The following ELAVL2 variants were observed in gnomAD, a reference collection of about 807,000 sequenced individuals.
ELAVL2 encodes ELAV like RNA binding protein 2, also known as ELAV-like protein 2.
ELAVL2 carries 4 observed loss-of-function variants against 34.6 expected under a neutral mutation model. The ratio of observed to expected loss-of-function variants is 0.12; its 90% CI spans 0.06 to 0.26. The LOEUF (loss-of-function observed/expected upper bound fraction) is 0.26. Among genes scored for constraint, ELAVL2 ranks in the 10% least tolerant of loss-of-function variants. ELAVL2 has a pLI of 1.00. For missense variants in ELAVL2, 432 were observed against 442.8 expected (o/e 0.98, Z 0.22); for synonymous variants, 193 against 154.8 (o/e 1.25, Z -1.83).
intron 2 of ELAVL2, among the ~76,000 whole-genome samples, chr9:23,742,151 T>C (rs1303283356): frequency 1.3e-5 from 2 of 152,086 alleles, no homozygotes; most frequent in Admixed American, 6.6e-5. Flanking sequence ...ACTATAAAAC[T>C]AACAGATATG....
At chr9:23,796,654 T>TA (rs2137448809) in intron 1 of ELAVL2, among the ~76,000 whole-genome samples, 1 of 152,370 alleles carries the variant, frequency 6.6e-6, no homozygotes, top group East Asian at 1.9e-4. Context: ...ACACCATCCT[T>TA]ACGGAGAGCC....
chr9:23,779,347 G>C, intron 1 of ELAVL2: 2 of 985,432 alleles, frequency 2.0e-6, no homozygotes, highest in Non-Finnish European at 2.4e-6. Flanking sequence ...AGGGCCTGCA[G>C]AAAGTCTTCA....
At chr9:23,809,818 A>G (rs1443358561) in intron 1 of ELAVL2, among the ~76,000 whole-genome samples, 1 of 152,112 alleles carries the variant, frequency 6.6e-6, no homozygotes, top group East Asian at 1.9e-4. Flanking sequence ...ATCCACTCCC[A>G]ACCAATTTTT....
upstream of ELAVL2, among the ~76,000 whole-genome samples, chr9:23,828,097 A>G (rs556001367): frequency 1.3e-5 from 2 of 152,020 alleles, no homozygotes; most frequent in Admixed American, 6.5e-5. Flanking sequence ...GAAAAGGAAG[A>G]CTCCACCCCA....
chr9:23,818,323 G>T (rs1180153609), intron 1 of ELAVL2, among the ~76,000 whole-genome samples: 1 of 152,246 alleles, frequency 6.6e-6, no homozygotes, highest in East Asian at 1.9e-4. Flanking sequence ...GAAAAGCTAC[G>T]TAATCTGTGG....
chr9:23,706,695 C>T (rs1233527223), intron 3 of ELAVL2, among the ~76,000 whole-genome samples: 1 of 152,142 alleles, frequency 6.6e-6, no homozygotes, highest in Non-Finnish European at 1.5e-5. Flanking sequence ...ATAACTACTG[C>T]CTGCTCATTT....
intron 3 of ELAVL2, among the ~76,000 whole-genome samples, chr9:23,720,848 G>A (rs1367716918): frequency 6.6e-6 from 1 of 152,166 alleles, no homozygotes; most frequent in African/African-American, 2.4e-5. Context: ...CACCTGTGGT[G>A]GCTGTTGAAA....
chr9:23,823,209 G>C (rs2138649345), intron 1 of ELAVL2, among the ~76,000 whole-genome samples: 1 of 152,324 alleles, frequency 6.6e-6, no homozygotes, highest in South Asian at 2.1e-4. Context: ...CAAAGCGCCT[G>C]CGCCTCTTTG....
At chr9:23,744,011 T>A (rs1046048527) in intron 2 of ELAVL2, among the ~76,000 whole-genome samples, 3 of 152,184 alleles carry the variant, frequency 2.0e-5, no homozygotes, top group Non-Finnish European at 4.4e-5. Context: ...ATTTTAAGAT[T>A]AAGGCTAAGA....
chr9:23,822,250 C>T (rs555427792), intron 1 of ELAVL2, among the ~76,000 whole-genome samples: 74 of 152,124 alleles, frequency 4.9e-4, no homozygotes, highest in African/African-American at 1.6e-3. Flanking sequence ...TCTTTTTCCC[C>T]CTACTTCGCA....
chr9:23,759,600 A>AT (rs2054387226), intron 2 of ELAVL2, among the ~76,000 whole-genome samples: 1 of 151,438 alleles, frequency 6.6e-6, no homozygotes, highest in Non-Finnish European at 1.5e-5. Context: ...TGGAAATGCT[A>AT]TAATACCCTG....
intron 3 of ELAVL2, among the ~76,000 whole-genome samples, chr9:23,708,800 C>T (rs1275056386): frequency 6.6e-6 from 1 of 152,044 alleles, no homozygotes. Flanking sequence ...TACCACCACA[C>T]TGGCTTTTTT....
chr9:23,776,296 T>C (rs1324629874), intron 1 of ELAVL2, among the ~76,000 whole-genome samples: 1 of 152,210 alleles, frequency 6.6e-6, no homozygotes, highest in Admixed American at 6.5e-5. Context: ...TTTTAATTCC[T>C]AGCTACAAGC....
Position 23,701,415 on chromosome 9 carries a change from T to G in ELAVL2, c.677A>C (p.Tyr226Ser). Residue 226 changes from tyrosine to serine, a missense_variant, in exon 5 of 7, where the codon TAT becomes TCT. Coordinates refer to ENST00000397312, the MANE Select transcript of ELAVL2 (RefSeq NM_004432.5). Reference protein sequence around the residue: ...SQLYQSPNRRYPGPLAQQAQR... With the variant: ...SQLYQSPNRRSPGPLAQQAQR... The stretch of plus-strand genomic sequence containing the variant: ...TGCCTGCTGAGCTAGCGGTCCTGGA[T>G]ACCTTCTGTTTGGAGACTGGTACAG... 6.2e-7 allele frequency: 1 copy of G among 1,614,148 alleles called. No individual in the cohort carries two copies. The highest frequency in any genetic ancestry group is 8.5e-7 in the Non-Finnish European group (1 of 1,179,988).
At chr9:23,806,720 T>G (rs1051021846) in intron 1 of ELAVL2, among the ~76,000 whole-genome samples, 1 of 152,150 alleles carries the variant, frequency 6.6e-6, no homozygotes, top group African/African-American at 2.4e-5. Context: ...TAGTTGAAAG[T>G]AACATTTAAG....
intron 2 of ELAVL2, among the ~76,000 whole-genome samples, chr9:23,733,375 G>T (rs2047077667): frequency 6.6e-6 from 1 of 152,064 alleles, no homozygotes; most frequent in African/African-American, 2.4e-5. Flanking sequence ...GATTTTATCA[G>T]TCTGTCATGA....
intron 2 of ELAVL2, among the ~76,000 whole-genome samples, chr9:23,753,805 G>A (rs1232904838): frequency 6.6e-6 from 1 of 152,104 alleles, no homozygotes; most frequent in Non-Finnish European, 1.5e-5. Flanking sequence ...ATAGCAAACA[G>A]CACACGTGCA....
In ELAVL2 at chr9:23,705,130, G is replaced by A. The variant is rs2038883374; in HGVS notation, c.334-59C>T. 6 of 1,595,234 alleles carry A rather than the reference G, an allele frequency of 3.8e-6. No homozygotes were observed. In the African/African-American group the frequency reaches 4.1e-5, roughly 11 times the overall value. On this transcript the variant is annotated intron_variant, in intron 3 of 6. Coordinates refer to ENST00000397312, the MANE Select transcript of ELAVL2 (RefSeq NM_004432.5). The stretch of plus-strand genomic sequence containing the variant: ...ATGCTCACTCACCCACCTCCCTTTA[G>A]AAACTCAAAAACTGCCTCGGTAACT...
intron 2 of ELAVL2, among the ~76,000 whole-genome samples, chr9:23,745,746 T>C (rs2050326756): frequency 2.0e-5 from 3 of 152,124 alleles, no homozygotes; most frequent in African/African-American, 7.2e-5. Context: ...AAATGACCAC[T>C]AAATAAGCAG....
Sources: gnomAD v4.1 joint callset for allele counts (sites outside exome capture counted in the v4.1 genomes callset) on GRCh38, gnomAD v4.1.1 for gene constraint, MANE v1.5 for transcripts, NCBI Gene and HGNC (gene_info 2026-07-23, HGNC 2026-07-21) for gene names.